Variants in ROR1 observed in about 807,000 individuals in gnomAD.
The protein encoded by ROR1 is inactive tyrosine-protein kinase transmembrane receptor ROR1.
Under a neutral mutation model 78.8 loss-of-function variants are expected in ROR1, and 19 were observed. That is an observed-to-expected ratio of 0.24 (90% confidence interval 0.17 to 0.35). The LOEUF (loss-of-function observed/expected upper bound fraction) is 0.35. Among genes scored for constraint, ROR1 ranks in the 10% least tolerant of loss-of-function variants. The pLI is 1.00. For missense variants in ROR1, 917 were observed against 1,177.8 expected (o/e 0.78, Z 3.24); for synonymous variants, 386 against 433.6 (o/e 0.89, Z 1.36).
intron 2 of ROR1, among the ~76,000 whole-genome samples, chr1:64,012,799 A>G (rs1163868987): frequency 6.6e-6 from 1 of 152,218 alleles, no homozygotes; most frequent in African/African-American, 2.4e-5. Context: ...GCAAGATAAT[A>G]TGACAAAAAA....
chr1:64,061,473 C>T (rs565102953), intron 4 of ROR1, among the ~76,000 whole-genome samples: 8 of 152,240 alleles, frequency 5.3e-5, no homozygotes, highest in African/African-American at 1.9e-4. Flanking sequence ...CCAGAGAAAT[C>T]AAAGTGTAGT....
At chr1:63,850,294 G>T (rs1364109888) in intron 1 of ROR1, among the ~76,000 whole-genome samples, 1 of 118,584 alleles carries the variant, frequency 8.4e-6, no homozygotes, top group African/African-American at 5.3e-5. Context: ...CCATTCTCCT[G>T]CCTTCATTTT....
At chr1:64,050,178 C>G (rs947439020) in intron 3 of ROR1, among the ~76,000 whole-genome samples, 200 bp downstream of exon 3, 1 of 152,206 alleles carries the variant, frequency 6.6e-6, no homozygotes, top group South Asian at 2.1e-4. Flanking sequence ...TGTTACCCAG[C>G]TAGTAAACAG....
At chr1:64,045,525 A>G in intron 2 of ROR1, among the ~76,000 whole-genome samples, 1 of 152,162 alleles carries the variant, frequency 6.6e-6, no homozygotes, top group East Asian at 1.9e-4. Context: ...AGGAGTCCTG[A>G]GACCAAAGAA....
intron 1 of ROR1, among the ~76,000 whole-genome samples, chr1:63,783,815 C>T (rs1032801051): frequency 2.0e-5 from 3 of 152,166 alleles, no homozygotes; most frequent in Non-Finnish European, 4.4e-5. Flanking sequence ...GGTCTTTCAC[C>T]GGCTGCTGAA....
chr1:64,124,034 G>A (rs1648631480), intron 4 of ROR1, among the ~76,000 whole-genome samples: 1 of 151,940 alleles, frequency 6.6e-6, no homozygotes, highest in Non-Finnish European at 1.5e-5. Context: ...TTCATAATGT[G>A]GAAAATACAT....
chr1:64,002,675 G>T (rs1333021123), intron 1 of ROR1, among the ~76,000 whole-genome samples: 1 of 151,940 alleles, frequency 6.6e-6, no homozygotes, highest in African/African-American at 2.4e-5. Context: ...GAATTTAATA[G>T]ATTTTAAAAA....
chr1:63,925,220 G>C (rs1645692155), intron 1 of ROR1, among the ~76,000 whole-genome samples: 1 of 144,498 alleles, frequency 6.9e-6, no homozygotes, highest in South Asian at 2.2e-4. Flanking sequence ...GTGTCCATGT[G>C]ATCTCATTGT....
intron 1 of ROR1, among the ~76,000 whole-genome samples, chr1:63,928,503 A>T (rs185563711): frequency 1.1e-3 from 162 of 152,356 alleles, no homozygotes; most frequent in African/African-American, 3.8e-3. Context: ...TTAGGGTAAG[A>T]GGAGCAGATA....
chr1:63,847,111 G>A lies in ROR1; in HGVS notation c.91+72603G>A, dbSNP rs541968063. Among the ~76,000 whole-genome samples the A allele has an allele frequency of 7.5e-4, 114 of 152,318 alleles. 1 individual carries two copies. Among genetic ancestry groups the A allele is most frequent in the African/African-American group, 2.7e-3 (113 of 41,558 alleles). On this transcript the variant is annotated intron_variant, in intron 1 of 8. Transcript: ENST00000371079. Reference sequence around the variant, plus strand: ...CCTTCTCCACAGTGGTAGGAGTGAGGGAAACAGTGAGGGGAAATCAGGAAA... The same window carrying A: ...CCTTCTCCACAGTGGTAGGAGTGAGAGAAACAGTGAGGGGAAATCAGGAAA...
intron 7 of ROR1, among the ~76,000 whole-genome samples, chr1:64,147,890 G>A (rs1410629568): frequency 6.6e-6 from 1 of 152,082 alleles, no homozygotes; most frequent in Non-Finnish European, 1.5e-5. Flanking sequence ...GAGAGATTTT[G>A]GTTATCACAA....
At chr1:64,093,950 A>G (rs1472290530) in intron 4 of ROR1, among the ~76,000 whole-genome samples, 1 of 152,182 alleles carries the variant, frequency 6.6e-6, no homozygotes, top group East Asian at 1.9e-4. Context: ...ATTTTACAGA[A>G]AGGTTAAATC....
chr1:63,949,768 T>A (rs892505999), intron 1 of ROR1, among the ~76,000 whole-genome samples: 1 of 151,978 alleles, frequency 6.6e-6, no homozygotes, highest in Non-Finnish European at 1.5e-5. Context: ...TCAAAGGGGG[T>A]AGCCCGGGAA....
At chr1:63,799,615 GA>G (rs1016222282) in intron 1 of ROR1, among the ~76,000 whole-genome samples, 9 of 148,722 alleles carry the variant, frequency 6.1e-5, no homozygotes, top group East Asian at 1.9e-4. Context: ...TCAGGAAGAG[GA>G]AAAAAAACAC....
intron 2 of ROR1, among the ~76,000 whole-genome samples, chr1:64,046,537 A>G (rs571933625): frequency 1.3e-5 from 2 of 152,212 alleles, no homozygotes; most frequent in African/African-American, 4.8e-5. Context: ...TATAGAGCAG[A>G]TCAGGTGAGG....
At chr1:63,782,554 T>G (rs1160756562) in intron 1 of ROR1, among the ~76,000 whole-genome samples, 2 of 131,796 alleles carry the variant, frequency 1.5e-5, no homozygotes, top group Admixed American at 7.0e-5. Context: ...GTTTTTTTTT[T>G]TTGTTTTTTT....
At chr1:63,803,713 A>C (rs1644810002) in intron 1 of ROR1, among the ~76,000 whole-genome samples, 1 of 152,246 alleles carries the variant, frequency 6.6e-6, no homozygotes, top group Non-Finnish European at 1.5e-5. Flanking sequence ...GTCCCAGAGA[A>C]ATGAAAACTT....
intron 1 of ROR1, among the ~76,000 whole-genome samples, chr1:63,867,697 T>C (rs1315420044): frequency 6.6e-6 from 1 of 152,208 alleles, no homozygotes; most frequent in Non-Finnish European, 1.5e-5. Context: ...GACGAAAATA[T>C]TCCCCATCTA....
chr1:64,028,921 C>T (rs1646638023), intron 2 of ROR1: 1 of 152,054 alleles, frequency 6.6e-6, no homozygotes, highest in Non-Finnish European at 1.5e-5. Flanking sequence ...CATGAATTTG[C>T]CTGTCATCTT....
Sources: gnomAD v4.1 joint callset for allele counts (sites outside exome capture counted in the v4.1 genomes callset) on GRCh38, gnomAD v4.1.1 for gene constraint, MANE v1.5 for transcripts, NCBI Gene and HGNC (gene_info 2026-07-23, HGNC 2026-07-21) for gene names.